The following STPG2 variants were observed in gnomAD, a reference collection of about 807,000 sequenced individuals.
The protein encoded by STPG2 is sperm-tail PG-rich repeat-containing protein 2.
In STPG2, 56 loss-of-function variants were observed where a neutral mutation model predicts 54.2. The observed-to-expected ratio is 1.03, with a 90% CI of 0.83 to 1.29. The LOEUF (loss-of-function observed/expected upper bound fraction) is 1.29, where lower values mean the gene tolerates loss of function less well. Among genes scored for constraint, STPG2 ranks in the 50% most tolerant of loss-of-function variants. The pLI is 0.00. For synonymous variants in STPG2, 200 were observed against 181.8 expected, an observed-to-expected ratio of 1.10 and a Z score of -0.81; for missense variants, 596 against 544.9, an observed-to-expected ratio of 1.09 and a Z score of -0.93.
At chr4:97,913,352 G>A (rs769806484) in intron 8 of STPG2, among the ~76,000 whole-genome samples, 1 of 152,084 alleles carries the variant, frequency 6.6e-6, no homozygotes, top group Non-Finnish European at 1.5e-5. Flanking sequence ...TGGAATTAGA[G>A]CAAATAAAGA....
chr4:97,899,343 G>C (rs553808483), intron 8 of STPG2, among the ~76,000 whole-genome samples: 2 of 151,712 alleles, frequency 1.3e-5, no homozygotes, highest in East Asian at 3.9e-4. Context: ...AAATGAAAAA[G>C]CATCCCATGC....
At chr4:97,520,356 T>C (rs1731156094) in intron 4 of STPG2, among the ~76,000 whole-genome samples, 1 of 152,118 alleles carries the variant, frequency 6.6e-6, no homozygotes, top group Non-Finnish European at 1.5e-5. Context: ...ATGATGGCTA[T>C]TAATTGTACA....
chr4:97,517,145 T>G (rs1731091427), intron 4 of STPG2, among the ~76,000 whole-genome samples: 1 of 151,972 alleles, frequency 6.6e-6, no homozygotes, highest in East Asian at 2.0e-4. Flanking sequence ...TGACCTCAAG[T>G]GATTCGCCCG....
chr4:97,712,166 TA>T (rs1354818165), intron 10 of STPG2, among the ~76,000 whole-genome samples: 1 of 152,136 alleles, frequency 6.6e-6, no homozygotes, highest in African/African-American at 2.4e-5. Flanking sequence ...TCTAATTCTC[TA>T]AAGGGCAATA....
At chr4:98,134,797 C>A (rs955228557) in intron 1 of STPG2, among the ~76,000 whole-genome samples, 1 of 151,366 alleles carries the variant, frequency 6.6e-6, no homozygotes, top group Non-Finnish European at 1.5e-5. Context: ...CTCAGAAGAC[C>A]ATTGTTTTAT....
At chr4:97,726,587 T>C (rs1724631104) in intron 9 of STPG2, among the ~76,000 whole-genome samples, 1 of 152,000 alleles carries the variant, frequency 6.6e-6, no homozygotes, top group Non-Finnish European at 1.5e-5. Flanking sequence ...AAGTGATTCT[T>C]ATGCCAAAAT....
chr4:97,907,086 T>G (rs1408469339), intron 8 of STPG2, among the ~76,000 whole-genome samples: 2 of 152,030 alleles, frequency 1.3e-5, no homozygotes, highest in Admixed American at 1.3e-4. Flanking sequence ...TGTCCCTGTT[T>G]GCAGACGACA....
chr4:97,491,090 C>T (rs1393510578), intron 4 of STPG2, among the ~76,000 whole-genome samples: 1 of 151,246 alleles, frequency 6.6e-6, no homozygotes, highest in Non-Finnish European at 1.5e-5. Flanking sequence ...AGGTGTTAAC[C>T]TCATCTTGAC....
At chr4:97,786,236 GC>G (rs1377566275) in intron 9 of STPG2, among the ~76,000 whole-genome samples, 1 of 149,966 alleles carries the variant, frequency 6.7e-6, no homozygotes, top group African/African-American at 2.4e-5. Flanking sequence ...GATTCAAATT[GC>G]TTTGAATTTA....
chr4:97,638,293 G>A (rs1721631726), intron 10 of STPG2, among the ~76,000 whole-genome samples: 1 of 152,134 alleles, frequency 6.6e-6, no homozygotes, highest in Non-Finnish European at 1.5e-5. Context: ...CTAGCCATAT[G>A]TAGAAAGCTG....
intron 9 of STPG2, among the ~76,000 whole-genome samples, chr4:97,777,901 G>A (rs1726432723): frequency 6.6e-6 from 1 of 152,080 alleles, no homozygotes; most frequent in Non-Finnish European, 1.5e-5. Context: ...ATCTATCAAT[G>A]TTCTGCTTTT....
At chr4:97,929,887 T>C (rs1732477656) in intron 8 of STPG2, among the ~76,000 whole-genome samples, 1 of 152,070 alleles carries the variant, frequency 6.6e-6, no homozygotes, top group Non-Finnish European at 1.5e-5. Flanking sequence ...TCAAATCCCA[T>C]CTTCCAGTTT....
chr4:97,475,012 C>A (rs1280745226), intron 4 of STPG2, among the ~76,000 whole-genome samples: 3 of 152,018 alleles, frequency 2.0e-5, no homozygotes, highest in African/African-American at 7.2e-5. Context: ...TTCATTCACT[C>A]TATTAGCATA....
At chr4:97,533,568 T>G (rs950382360) in intron 4 of STPG2, among the ~76,000 whole-genome samples, 1 of 152,176 alleles carries the variant, frequency 6.6e-6, no homozygotes, top group African/African-American at 2.4e-5. Flanking sequence ...CATACTCCTT[T>G]GCAGTCTGTT....
At chr4:97,847,107 A>G (rs894514859) in intron 8 of STPG2, among the ~76,000 whole-genome samples, 1 of 152,206 alleles carries the variant, frequency 6.6e-6, no homozygotes, top group African/African-American at 2.4e-5. Flanking sequence ...GAAAAAATTT[A>G]TAGGCTATAA....
intron 4 of STPG2, among the ~76,000 whole-genome samples, chr4:97,458,193 TAGCTTTC>T (rs1266403033): frequency 6.6e-6 from 1 of 152,198 alleles, no homozygotes; most frequent in Non-Finnish European, 1.5e-5. Flanking sequence ...GTTCAAATTG[TAGCTTTC>T]AGAATACAAA....
intron 5 of STPG2, among the ~76,000 whole-genome samples, chr4:98,092,506 A>C (rs894418304): frequency 1.3e-5 from 2 of 152,096 alleles, no homozygotes; most frequent in African/African-American, 2.4e-5. Context: ...AAAGACTAAC[A>C]ATGATAAGGA....
Position 97,840,975 on chromosome 4 carries a change from T to C in STPG2, c.1045-43A>G, listed in dbSNP as rs188904583. On this transcript the variant is annotated intron_variant, in intron 8 of 10. Coordinates refer to ENST00000295268, the MANE Select transcript of STPG2 (RefSeq NM_174952.3). The stretch of plus-strand genomic sequence containing the variant: ...AGATGAGCATAAATATATCTTATAC[T>C]GAAAATATCCAAGAAGATACCAGAT... The C allele has an allele frequency of 8.0e-4, 1,272 of 1,580,822 alleles. 1 individual carries two copies. Among genetic ancestry groups the C allele is most frequent in the Non-Finnish European group, 8.9e-4 (1,032 of 1,163,636 alleles).
intron 4 of STPG2, among the ~76,000 whole-genome samples, chr4:97,481,979 C>T (rs939374488): frequency 5.3e-5 from 8 of 151,610 alleles, no homozygotes; most frequent in South Asian, 2.1e-4. Context: ...GTAATCTTTT[C>T]GTATAAATCA....
Sources: gnomAD v4.1 joint callset for allele counts (sites outside exome capture counted in the v4.1 genomes callset) on GRCh38, gnomAD v4.1.1 for gene constraint, MANE v1.5 for transcripts, NCBI Gene and HGNC (gene_info 2026-07-23, HGNC 2026-07-21) for gene names.